CPED1: variants seen among roughly 807,000 people sequenced by gnomAD.
CPED1 encodes cadherin-like and PC-esterase domain-containing protein 1.
A neutral mutation model predicts 128.2 loss-of-function variants in CPED1; 114 were observed. That is an observed-to-expected ratio of 0.89 (90% CI 0.76 to 1.04). The LOEUF (loss-of-function observed/expected upper bound fraction) is 1.04, where lower values mean the gene tolerates loss of function less well. CPED1 is among the 50% of genes least tolerant of loss of function. The probability of loss-of-function intolerance (pLI) is 0.00; values close to 1 mark genes in which losing one functional copy is unlikely to be tolerated. For synonymous variants in CPED1, 462 were observed against 426.7 expected (o/e 1.08, Z -1.02); for missense variants, 1,211 against 1,207.1 (o/e 1.00, Z -0.05).
At chr7:121,162,088 G>A (rs564137375) in intron 16 of CPED1, among the ~76,000 whole-genome samples, 1 of 152,214 alleles carries the variant, frequency 6.6e-6, no homozygotes, top group Admixed American at 6.5e-5. Flanking sequence ...GGCAGACCTG[G>A]GACTTAAGTC....
intron 7 of CPED1, among the ~76,000 whole-genome samples, chr7:121,115,898 T>TAGGGA (rs1485989522): frequency 9.2e-5 from 14 of 152,194 alleles, no homozygotes; most frequent in African/African-American, 3.4e-4. Context: ...CTTTACAACT[T>TAGGGA]TAGCTTTTGC....
intron 16 of CPED1, among the ~76,000 whole-genome samples, chr7:121,161,074 T>C (rs1796403040): frequency 2.6e-5 from 4 of 152,172 alleles, no homozygotes. Flanking sequence ...CGTGTTACTT[T>C]TTTTATTGCT....
At chr7:121,010,269 C>T (rs1223048334) in intron 2 of CPED1, among the ~76,000 whole-genome samples, 1 of 151,882 alleles carries the variant, frequency 6.6e-6, no homozygotes, top group Non-Finnish European at 1.5e-5. Context: ...TAAAAATTTT[C>T]TTGAGACAGT....
chr7:121,077,320 A>G (rs1267665368), intron 5 of CPED1, among the ~76,000 whole-genome samples: 1 of 152,226 alleles, frequency 6.6e-6, no homozygotes, highest in Non-Finnish European at 1.5e-5. Flanking sequence ...TCAAATTTTA[A>G]AAATGACTGG....
At chr7:121,013,521 G>A (rs932237461) in intron 2 of CPED1, among the ~76,000 whole-genome samples, 1 of 152,152 alleles carries the variant, frequency 6.6e-6, no homozygotes, top group African/African-American at 2.4e-5. Flanking sequence ...ATTGTTCTTT[G>A]TGATATATTA....
rs1286167648 is a variant in CPED1, at chr7:121,256,111, C to CAAAAAAAAAAAAAA, written c.2311-10104_2311-10103insAAAAAAAAAAAAAA. ...CCCTAATAGTTAAAGCAATCCTAAG[C>CAAAAAAAAAAAAAA]AAAAAAAAAAAACAAAACAAAAAAA... On this transcript the variant is annotated intron_variant, in intron 18 of 22. Coordinates refer to ENST00000310396, the MANE Select transcript of CPED1 (RefSeq NM_024913.5). Among the ~76,000 whole-genome samples the CAAAAAAAAAAAAAA allele has an allele frequency of 4.7e-4, 16 of 34,136 alleles. 1 individual carries two copies. The highest frequency in any genetic ancestry group is 1.6e-3 in the African/African-American group (15 of 9,116). The allele number at this position is 34,136 out of a possible 152,430, so 22.4% of individuals were successfully genotyped here. A position where few individuals can be genotyped will look rare whatever the true frequency, so the allele number is the denominator to read the frequency against.
chr7:121,041,443 G>A (rs1769563615), intron 3 of CPED1, among the ~76,000 whole-genome samples: 1 of 152,052 alleles, frequency 6.6e-6, no homozygotes, highest in South Asian at 2.1e-4. Context: ...GAATAAAGCA[G>A]GAAGAGACTT....
chr7:121,131,555 T>G (rs575106023), intron 12 of CPED1, among the ~76,000 whole-genome samples: 53 of 151,918 alleles, frequency 3.5e-4, no homozygotes, highest in Non-Finnish European at 6.3e-4. Context: ...TTGGAAAGTT[T>G]GTTCCCAAGC....
intron 18 of CPED1, among the ~76,000 whole-genome samples, chr7:121,244,602 A>G (rs1029251461): frequency 4.6e-5 from 7 of 152,196 alleles, no homozygotes; most frequent in Admixed American, 2.0e-4. Context: ...ACCCGATTCC[A>G]TGCTGTTTTC....
At chr7:121,005,137 T>C (rs933763004) in intron 2 of CPED1, among the ~76,000 whole-genome samples, 1 of 152,236 alleles carries the variant, frequency 6.6e-6, no homozygotes, top group Non-Finnish European at 1.5e-5. Context: ...AAGGCTTGTG[T>C]TCTCATTGTT....
rs746076581 is a variant in CPED1, at chr7:121,014,564, AT to A, written c.250-1100del. On this transcript the variant is annotated intron_variant, in intron 2 of 22. Coordinates refer to ENST00000310396, the MANE Select transcript of CPED1 (RefSeq NM_024913.5). Reference sequence around the variant, plus strand: ...GACTTTGTCTCAAAAAAAAAAAATAATAATAATAATAATAAAATAAAATAAA... The same window carrying A: ...GACTTTGTCTCAAAAAAAAAAAATAAAATAATAATAATAAAATAAAATAAA... Among the ~76,000 whole-genome samples the A allele has an allele frequency of 6.2e-3, 755 of 122,634 alleles. 15 individuals carry two copies. Among genetic ancestry groups the A allele is most frequent in the African/African-American group, 0.018 (675 of 37,376 alleles). The allele number at this position is 122,634 out of a possible 152,430, so 80.5% of individuals were successfully genotyped here.
At chr7:121,267,177 A>T in intron 20 of CPED1, 38 bp from the exon 21 acceptor site, 2 of 1,097,314 alleles carry the variant, frequency 1.8e-6, no homozygotes, top group Non-Finnish European at 2.7e-6. Context: ...AAATGTAATT[A>T]AAGTTACTGA....
intron 16 of CPED1, among the ~76,000 whole-genome samples, chr7:121,220,944 A>C (rs1797861277): frequency 6.6e-6 from 1 of 151,978 alleles, no homozygotes; most frequent in South Asian, 2.1e-4. Flanking sequence ...TTTCTTATAT[A>C]TATCTCCATA....
intron 5 of CPED1, among the ~76,000 whole-genome samples, chr7:121,075,747 A>G (rs948157691): frequency 1.3e-5 from 2 of 152,200 alleles, no homozygotes; most frequent in Admixed American, 6.5e-5. Flanking sequence ...ATTTATGTAC[A>G]TTGCATGATA....
chr7:121,026,708 T>A (rs1447936513), intron 3 of CPED1, among the ~76,000 whole-genome samples: 2 of 151,268 alleles, frequency 1.3e-5, no homozygotes, highest in Non-Finnish European at 2.9e-5. Context: ...TACTAATACA[T>A]GGCTAGGGAG....
At chr7:121,039,781 C>T (rs1351242759) in intron 3 of CPED1, among the ~76,000 whole-genome samples, 1 of 151,966 alleles carries the variant, frequency 6.6e-6, no homozygotes, top group Non-Finnish European at 1.5e-5. Flanking sequence ...CTAAAGTGAA[C>T]ATTTCTTAAA....
intron 22 of CPED1, among the ~76,000 whole-genome samples, chr7:121,283,422 A>G (rs1412368655): frequency 6.6e-6 from 1 of 152,228 alleles, no homozygotes; most frequent in East Asian, 1.9e-4. Context: ...ACAAGAACAC[A>G]ATAATGTAAG....
At chr7:121,046,368 T>C (rs1368017777) in intron 3 of CPED1, among the ~76,000 whole-genome samples, 2 of 152,270 alleles carry the variant, frequency 1.3e-5, no homozygotes, top group Admixed American at 6.5e-5. Flanking sequence ...TACAACACTT[T>C]CTTTTATGGA....
intron 16 of CPED1, among the ~76,000 whole-genome samples, chr7:121,172,576 T>C (rs1796672025): frequency 6.6e-6 from 1 of 151,994 alleles, no homozygotes; most frequent in Non-Finnish European, 1.5e-5. Context: ...TCTGCCCTTA[T>C]AAAACATAAG....
Sources: allele counts gnomAD v4.1 joint callset (sites outside exome capture counted in the v4.1 genomes callset), GRCh38; gene constraint gnomAD v4.1.1; transcripts MANE v1.5; gene names NCBI Gene and HGNC (gene_info 2026-07-23, HGNC 2026-07-21).